TRDN: variants seen among roughly 807,000 people sequenced by gnomAD.
TRDN encodes triadin in skeletal muscle.
In TRDN, 161 loss-of-function variants were observed where a neutral mutation model predicts 149.7. That is an observed-to-expected ratio of 1.08 (90% confidence interval 0.95 to 1.23). The LOEUF is 1.23. Among genes scored for constraint, TRDN ranks in the 50% most tolerant of loss-of-function variants. TRDN has a pLI of 0.00. For missense variants in TRDN, 896 were observed against 823.5 expected (o/e 1.09, Z -1.08); for synonymous variants, 294 against 250.5 (o/e 1.17, Z -1.64).
intron 4 of TRDN, among the ~76,000 whole-genome samples, chr6:123,533,373 C>T (rs1435803598): frequency 6.6e-6 from 1 of 152,076 alleles, no homozygotes; most frequent in East Asian, 1.9e-4. Flanking sequence ...GTGGGTTAGA[C>T]TCTTCCATAG....
rs533925882 is a variant in TRDN, at chr6:123,433,647, A to T, written c.1051+4416T>A. On this transcript the variant is annotated intron_variant, in intron 12 of 40. Transcript: ENST00000334268. Reference sequence around the variant, plus strand: ...TCTATACAGATAATTCCTGAAAAAAAAATCCTATTGGAAAGTGTGATAATT... The same window carrying T: ...TCTATACAGATAATTCCTGAAAAAATAATCCTATTGGAAAGTGTGATAATT... Among the ~76,000 whole-genome samples the T allele has an allele frequency of 6.9e-4, 105 of 152,298 alleles. 1 individual carries two copies. Among genetic ancestry groups the T allele is most frequent in the African/African-American group, 2.5e-3 (105 of 41,562 alleles).
chr6:123,591,822 G>A (rs1030560126), intron 1 of TRDN, among the ~76,000 whole-genome samples: 2 of 151,992 alleles, frequency 1.3e-5, no homozygotes, highest in Non-Finnish European at 2.9e-5. Context: ...AGAACATTAA[G>A]GTATTCATGC....
At chr6:123,627,894 C>A (rs1785761483) in intron 1 of TRDN, among the ~76,000 whole-genome samples, 1 of 152,190 alleles carries the variant, frequency 6.6e-6, no homozygotes, top group African/African-American at 2.4e-5. Flanking sequence ...TAGCTTCCAA[C>A]TTTTCTTCTG....
chr6:123,533,239 T>C (rs898294928), intron 4 of TRDN, among the ~76,000 whole-genome samples: 4 of 151,838 alleles, frequency 2.6e-5, no homozygotes, highest in African/African-American at 9.7e-5. Flanking sequence ...TAGAATAATA[T>C]TTTTTTTAGA....
At chr6:123,433,157 T>TAA (rs1774405080) in intron 12 of TRDN, among the ~76,000 whole-genome samples, 1 of 60,636 alleles carries the variant, frequency 1.6e-5, no homozygotes, top group Non-Finnish European at 3.2e-5. Context: ...TATATATATA[T>TAA]ATATAATATA....
intron 8 of TRDN, chr6:123,502,639 TATG>T (rs1778748118): frequency 1.0e-6 from 1 of 984,792 alleles, no homozygotes; most frequent in East Asian, 1.1e-4. Flanking sequence ...TCTTGTGCCT[TATG>T]AGGAAAAATT....
chr6:123,432,073 A>G (rs2114573990), intron 12 of TRDN, among the ~76,000 whole-genome samples: 1 of 152,292 alleles, frequency 6.6e-6, no homozygotes. Context: ...CAAATTCTTT[A>G]TGAGTTCTAT....
Position 123,382,109 on chromosome 6 carries a change from G to T in TRDN, c.1165+9C>A. The T allele has an allele frequency of 6.7e-7, 1 of 1,490,214 alleles. No homozygotes were observed. Among genetic ancestry groups the T allele is most frequent in the Non-Finnish European group, 8.9e-7 (1 of 1,119,630 alleles). 92.3% of individuals were successfully genotyped at this position (1,490,214 alleles called of 1,614,324 possible). ...ACATAAGGCAGAAAAAAAGAAATAT[G>T]TCCAGTACCTTCTGCAGGTTTTTTT... On this transcript the variant is annotated intron_variant, in intron 15 of 40. Transcript: ENST00000334268.
rs144981815 is a variant in TRDN at position 123,600,538 on chromosome 6, G to T, written c.23-29406C>A. Among the ~76,000 whole-genome samples the T allele has an allele frequency of 2.6e-3, 396 of 152,158 alleles. 4 individuals carry two copies. Among genetic ancestry groups the T allele is most frequent in the African/African-American group, 9.3e-3 (388 of 41,526 alleles). On this transcript the variant is annotated intron_variant, in intron 1 of 40. Coordinates refer to ENST00000334268, the MANE Select transcript of TRDN (RefSeq NM_006073.4). ...CCTGGCAGTGGGGGCCTGAAAAAAGGGCAGGAAGCTTTATTATGGGAAAGG... is the reference window on the plus strand; with the variant it reads ...CCTGGCAGTGGGGGCCTGAAAAAAGTGCAGGAAGCTTTATTATGGGAAAGG...
chr6:123,309,807 A>C lies in TRDN; in HGVS notation c.1510+6650T>G, dbSNP rs77151292. Among the ~76,000 whole-genome samples the C allele has an allele frequency of 1.5e-3, 235 of 152,152 alleles. 1 individual carries two copies. The highest frequency in any genetic ancestry group is 4.8e-3 in the South Asian group (23 of 4,816). On this transcript the variant is annotated intron_variant, in intron 24 of 40. Coordinates refer to ENST00000334268, the MANE Select transcript of TRDN (RefSeq NM_006073.4). ...ATAACTGCATAAAATATATGTAGGTACTAGTCTGTTTTGTCATTTGTTACC... is the reference window on the plus strand; with the variant it reads ...ATAACTGCATAAAATATATGTAGGTCCTAGTCTGTTTTGTCATTTGTTACC...
chr6:123,365,073 T>C (rs1781039302), intron 20 of TRDN, among the ~76,000 whole-genome samples: 1 of 152,160 alleles, frequency 6.6e-6, no homozygotes, highest in Non-Finnish European at 1.5e-5. Context: ...AAAACTGACA[T>C]CACAAATATT....
At chr6:123,337,718 A>G in intron 21 of TRDN, 49 bp from the exon 22 acceptor site, 3 of 1,133,536 alleles carry the variant, frequency 2.6e-6, no homozygotes, top group Non-Finnish European at 3.7e-6. Flanking sequence ...TAAGAGAGGA[A>G]AAAAATGCAA....
chr6:123,588,084 C>T (rs1011744461), intron 1 of TRDN, among the ~76,000 whole-genome samples: 19 of 152,072 alleles, frequency 1.2e-4, no homozygotes, highest in African/African-American at 4.6e-4. Context: ...GCAAATGTCT[C>T]TTATCAGACC....
intron 38 of TRDN, among the ~76,000 whole-genome samples, chr6:123,224,508 G>A (rs1021071402): frequency 1.3e-5 from 2 of 151,746 alleles, no homozygotes; most frequent in Admixed American, 6.6e-5. Flanking sequence ...ATACAGCCTA[G>A]ATAAAGAGAT....
At chr6:123,359,655 TTTAGG>T (rs1340382778) in intron 20 of TRDN, among the ~76,000 whole-genome samples, 1 of 152,040 alleles carries the variant, frequency 6.6e-6, no homozygotes, top group African/African-American at 2.4e-5. Context: ...AAATGAGGAC[TTTAGG>T]TTAAGAAAGA....
At chr6:123,294,876 C>G (rs1410095706) in intron 24 of TRDN, among the ~76,000 whole-genome samples, 4 of 152,166 alleles carry the variant, frequency 2.6e-5, no homozygotes, top group African/African-American at 4.8e-5. Context: ...TGGCCCCTTA[C>G]AGCAGGTATC....
intron 38 of TRDN, among the ~76,000 whole-genome samples, chr6:123,240,467 C>T (rs1044551369): frequency 1.9e-4 from 28 of 149,548 alleles, no homozygotes; most frequent in African/African-American, 5.1e-4. Context: ...GCTGAAACAA[C>T]GTAAAAAAAA....
At chr6:123,222,957 C>A (rs940774954) in intron 39 of TRDN, among the ~76,000 whole-genome samples, 20 of 151,806 alleles carry the variant, frequency 1.3e-4, no homozygotes, top group African/African-American at 4.8e-4. Context: ...TAACATCTCA[C>A]ACCAGTAAGC....
At chr6:123,477,395 A>C (rs1229762899) in intron 9 of TRDN, among the ~76,000 whole-genome samples, 3 of 149,018 alleles carry the variant, frequency 2.0e-5, no homozygotes, top group Non-Finnish European at 3.0e-5. Context: ...GCAATCATTA[A>C]AAAGTCAGGA....
Sources: gnomAD v4.1 joint callset for allele counts (sites outside exome capture counted in the v4.1 genomes callset) on GRCh38, gnomAD v4.1.1 for gene constraint, MANE v1.5 for transcripts, NCBI Gene and HGNC (gene_info 2026-07-23, HGNC 2026-07-21) for gene names.